The following PAK5 variants were observed in gnomAD, a reference collection of about 807,000 sequenced individuals.
PAK5 encodes the protein serine/threonine-protein kinase PAK 5.
A neutral mutation model predicts 65.9 loss-of-function variants in PAK5; 16 were observed. The ratio of observed to expected loss-of-function variants is 0.24; its 90% CI spans 0.16 to 0.37. The LOEUF (loss-of-function observed/expected upper bound fraction) is 0.37. PAK5 is among the 10% of genes least tolerant of loss of function. The pLI is 1.00. For missense variants in PAK5, 785 were observed against 903.9 expected, an observed-to-expected ratio of 0.87 and a Z score of 1.69; for synonymous variants, 371 against 354.9, an observed-to-expected ratio of 1.05 and a Z score of -0.51.
At chr20:9,741,369 C>A (rs1218553550) in intron 1 of PAK5, among the ~76,000 whole-genome samples, 1 of 152,138 alleles carries the variant, frequency 6.6e-6, no homozygotes, top group East Asian at 1.9e-4. Flanking sequence ...TTATCCCAGC[C>A]AATCTCACTC....
chr20:9,770,203 C>T lies in PAK5; in HGVS notation c.-161-58768G>A, dbSNP rs572785667. On this transcript the variant is annotated intron_variant, in intron 1 of 9. Transcript: ENST00000353224. ...AGGAGGGCTTGGACTCTGCAGGAAG[C>T]ACAGGCAGTTCATTCTAAGAAAAAG... is the stretch of plus-strand genomic sequence containing the variant. 3.3e-5 allele frequency among the ~76,000 whole-genome samples: 5 copies of T among 152,200 alleles called. 1 individual carries two copies. The highest frequency in any genetic ancestry group is 9.6e-5 in the African/African-American group (4 of 41,508).
At chr20:9,613,404 C>T (rs1470927679) in intron 3 of PAK5, among the ~76,000 whole-genome samples, 2 of 152,172 alleles carry the variant, frequency 1.3e-5, no homozygotes, top group African/African-American at 4.8e-5. Context: ...GAAATCTGAA[C>T]TGGGATTGAG....
At chr20:9,702,308 A>G (rs957062418) in intron 2 of PAK5, among the ~76,000 whole-genome samples, 5 of 152,214 alleles carry the variant, frequency 3.3e-5, no homozygotes, top group African/African-American at 1.2e-4. Context: ...ACACAAAGCA[A>G]TACTCTCCAT....
At chr20:9,596,561 A>G (rs912590008) in intron 3 of PAK5, among the ~76,000 whole-genome samples, 5 of 142,980 alleles carry the variant, frequency 3.5e-5, no homozygotes, top group East Asian at 2.1e-4. Context: ...GTGTGAACCC[A>G]GGAGGCGGAG....
chr20:9,552,635 T>A (rs371931025), intron 7 of PAK5, among the ~76,000 whole-genome samples: 1 of 152,208 alleles, frequency 6.6e-6, no homozygotes, highest in Non-Finnish European at 1.5e-5. Flanking sequence ...TTATCTAGTC[T>A]TTTGAGAGGA....
chr20:9,634,846 T>C (rs574913001), intron 3 of PAK5, among the ~76,000 whole-genome samples: 1 of 152,284 alleles, frequency 6.6e-6, no homozygotes, highest in East Asian at 1.9e-4. Flanking sequence ...ATACTGACAC[T>C]GGAAGGAGGG....
At chr20:9,668,285 T>C (rs567017201) in intron 2 of PAK5, among the ~76,000 whole-genome samples, 1 of 152,246 alleles carries the variant, frequency 6.6e-6, no homozygotes, top group African/African-American at 2.4e-5. Context: ...TCTATGTCTT[T>C]GTTTTTTCAG....
In PAK5 at chr20:9,566,156, A is replaced by G. The variant is rs766799536; in HGVS notation, c.1219T>C (p.Ser407Pro). 6.2e-7 allele frequency: 1 copy of G among 1,613,828 alleles called. No individual in the cohort carries two copies. The highest frequency in any genetic ancestry group is 8.5e-7 in the Non-Finnish European group (1 of 1,179,932). Residue 407 changes from serine to proline, a missense_variant, in exon 5 of 10, where the codon TCA becomes CCA. This residue lies in a region of PAK5 where 422 missense variants were observed against 413.3 expected (regional missense o/e 1.02). Coordinates refer to ENST00000353224, the MANE Select transcript of PAK5 (RefSeq NM_177990.4). ...TASYLSSLSL[S>P]SSTYPPPSWG... ...CTGGGCGGCGGGTAGGTGCTGGATG[A>G]GAGGCTGAGGGAGCTCAGGTAGGAA...
intron 3 of PAK5, among the ~76,000 whole-genome samples, chr20:9,613,304 G>A (rs745631286): frequency 9.8e-5 from 15 of 152,376 alleles, no homozygotes; most frequent in South Asian, 4.1e-4. Flanking sequence ...CTCCAAATTT[G>A]GAGAGGCAGA....
intron 1 of PAK5, among the ~76,000 whole-genome samples, chr20:9,743,999 A>C (rs533610962): frequency 6.6e-6 from 1 of 152,324 alleles, no homozygotes; most frequent in South Asian, 2.1e-4. Flanking sequence ...GGAGATAGCA[A>C]TGTGAAGAGA....
intron 1 of PAK5, among the ~76,000 whole-genome samples, chr20:9,828,347 A>G (rs1227794669): frequency 1.3e-5 from 2 of 152,222 alleles, no homozygotes; most frequent in African/African-American, 2.4e-5. Flanking sequence ...TATCTCTAAT[A>G]CCTAGAGAAG....
intron 1 of PAK5, among the ~76,000 whole-genome samples, chr20:9,827,336 G>A (rs776080115): frequency 2.0e-5 from 3 of 152,144 alleles, no homozygotes; most frequent in Non-Finnish European, 4.4e-5. Flanking sequence ...ATCTAACTGC[G>A]TGATATTTTG....
At chr20:9,653,363 T>C (rs560443726) in intron 2 of PAK5, among the ~76,000 whole-genome samples, 487 of 152,326 alleles carry the variant, frequency 3.2e-3, no homozygotes, top group Non-Finnish European at 4.9e-3. Flanking sequence ...AGCCCAAATA[T>C]GGAGACAGAG....
At chr20:9,750,347 T>C (rs79140807) in intron 1 of PAK5, among the ~76,000 whole-genome samples, 3,946 of 152,272 alleles carry the variant, frequency 0.026, 162 homozygotes, top group African/African-American at 0.084. Context: ...AAGGAGGCTC[T>C]AATTTTAAAA....
rs975096522 is a variant in PAK5, at chr20:9,600,668, C to A, written c.205-19738G>T. On this transcript the variant is annotated intron_variant, in intron 3 of 9. Transcript: ENST00000353224. The stretch of plus-strand genomic sequence containing the variant: ...GCTGATTTCTCTGCTGGATAGAAAG[C>A]TCCCAGCAAGGGATTAACCTTTCTT... Among the ~76,000 whole-genome samples, 8 of 152,334 alleles carry A rather than the reference C, an allele frequency of 5.3e-5. 1 individual carries two copies. Among genetic ancestry groups the A allele is most frequent in the Admixed American group, 2.6e-4 (4 of 15,298 alleles).
intron 2 of PAK5, among the ~76,000 whole-genome samples, chr20:9,702,044 T>C (rs2047946285): frequency 6.6e-6 from 1 of 152,060 alleles, no homozygotes; most frequent in Non-Finnish European, 1.5e-5. Context: ...GCTCAGTAGT[T>C]AGTAAATGAA....
intron 3 of PAK5, among the ~76,000 whole-genome samples, chr20:9,641,893 C>T (rs2047071917): frequency 6.6e-6 from 1 of 152,170 alleles, no homozygotes; most frequent in Non-Finnish European, 1.5e-5. Flanking sequence ...GTGCGGGGCC[C>T]ACCAAGCCCA....
chr20:9,562,885 G>A lies in PAK5; in HGVS notation c.1616+6C>T. Reference sequence around the variant, plus strand: ...CTCGAATTCTCTGGATAATAAAGAAGCCTACCTGGTGTGAGTCACAATGTC... The same window carrying A: ...CTCGAATTCTCTGGATAATAAAGAAACCTACCTGGTGTGAGTCACAATGTC... On this transcript the variant is annotated splice_donor_region_variant and intron_variant, in intron 6 of 9. Transcript: ENST00000353224. 1 of 1,611,464 alleles carries A rather than the reference G, an allele frequency of 6.2e-7. No homozygotes were observed. Among genetic ancestry groups the A allele is most frequent in the Non-Finnish European group, 8.5e-7 (1 of 1,178,868 alleles).
chr20:9,747,232 T>A (rs2048518969), intron 1 of PAK5, among the ~76,000 whole-genome samples: 1 of 152,158 alleles, frequency 6.6e-6, no homozygotes, highest in South Asian at 2.1e-4. Context: ...CCAGATGGAT[T>A]CACAGCCGAA....
Sources: allele counts gnomAD v4.1 joint callset (sites outside exome capture counted in the v4.1 genomes callset), GRCh38; gene constraint gnomAD v4.1.1; regional missense constraint gnomAD v4.1.1; transcripts MANE v1.5; gene names NCBI Gene and HGNC (gene_info 2026-07-23, HGNC 2026-07-21).